NUP42: variants seen among roughly 807,000 people sequenced by gnomAD.
NUP42 encodes nucleoporin NUP42.
A neutral mutation model predicts 35.9 loss-of-function variants in NUP42; 47 were observed. The ratio of observed to expected loss-of-function variants is 1.31; its 90% CI spans 1.04 to 1.67. The LOEUF (loss-of-function observed/expected upper bound fraction) is 1.67, where lower values mean the gene tolerates loss of function less well. Ranked by LOEUF, NUP42 falls within the 40% of genes most tolerant of loss-of-function variation. NUP42 has a pLI of 0.00. For missense variants in NUP42, 514 were observed against 492.2 expected (o/e 1.04, Z -0.42); for synonymous variants, 173 against 173.3 (o/e 1.00, Z 0.01).
At chr7:23,182,269 G>C in intron 1 of NUP42, 63 bp downstream of exon 1, 2 of 1,539,098 alleles carry the variant, frequency 1.3e-6, no homozygotes, top group Admixed American at 2.0e-5. Flanking sequence ...CGGGGACCGG[G>C]CGTCCCGCGT....
chr7:23,196,691 C>T lies in NUP42; in HGVS notation c.534C>T (p.Val178=). The T allele has an allele frequency of 6.2e-7, 1 of 1,609,530 alleles. No individual in the cohort carries two copies. The highest frequency in any genetic ancestry group is 8.5e-7 in the Non-Finnish European group (1 of 1,176,330). The part of the protein sequence containing the change: ...SNNLQSYLNS[V]QRLINQWRNR... ...TCTTCCGTTTTCAGCTAAATTCTGT[C>T]CAACGTTTAATAAATCAATGGAGGA... is the stretch of plus-strand genomic sequence containing the variant. Residue 178 remains valine (V), a synonymous_variant, in exon 5 of 7, where the codon GTC becomes GTT. Coordinates refer to ENST00000258742, the MANE Select transcript of NUP42 (RefSeq NM_007342.3).
chr7:23,184,043 G>A (rs1461062515), intron 1 of NUP42, among the ~76,000 whole-genome samples: 1 of 151,976 alleles, frequency 6.6e-6, no homozygotes, highest in Non-Finnish European at 1.5e-5. Context: ...CAACTAGGAA[G>A]TGATGAGTAA....
At chr7:23,197,105 A>G (rs937028141) in intron 5 of NUP42, 10 of 670,660 alleles carry the variant, frequency 1.5e-5, no homozygotes, top group Admixed American at 2.6e-5. Context: ...AGTTATATGA[A>G]TGCACATTTA....
In NUP42 at chr7:23,187,121, A is replaced by G. The variant is rs777071980; in HGVS notation, c.420A>G (p.Pro140=). 2.5e-6 allele frequency: 4 copies of G among 1,608,748 alleles called. No individual in the cohort carries two copies. The highest frequency in any genetic ancestry group is 3.4e-6 in the Non-Finnish European group (4 of 1,177,156). The part of the protein sequence containing the change: ...SGQWMFSVYS[P]VKKKPNISGF... ...AGTGGATGTTTTCTGTTTATTCACC[A>G]GTGAAAAAGAAACCTAATATTTCAG... The change falls in exon 3 of 7, where the codon CCA becomes CCG. Residue 140 remains proline (P), a synonymous_variant. Transcript: ENST00000258742.
In NUP42 at chr7:23,200,486, G is replaced by T. The variant is rs1786182875; in HGVS notation, c.1013G>T (p.Gly338Val). ...GCTCCAGTGGCCCCAGCCTTTGGAGGTGGCAGTTCTGTGGCTGGTTTTGGT... is the reference window on the plus strand; with the variant it reads ...GCTCCAGTGGCCCCAGCCTTTGGAGTTGGCAGTTCTGTGGCTGGTTTTGGT... ...VRAPVAPAFG[G>V]GSSVAGFGSP... Residue 338 changes from glycine to valine, a missense_variant, in exon 7 of 7, where the codon GGT (glycine) becomes GTT (valine). Coordinates refer to ENST00000258742, the MANE Select transcript of NUP42 (RefSeq NM_007342.3). 1 of 1,614,012 alleles carries T rather than the reference G, an allele frequency of 6.2e-7. No individual in the cohort carries two copies. The highest frequency in any genetic ancestry group is 1.3e-5 in the African/African-American group (1 of 74,938).
chr7:23,192,801 T>C (rs1785847610), intron 3 of NUP42, among the ~76,000 whole-genome samples: 1 of 151,960 alleles, frequency 6.6e-6, no homozygotes, highest in Non-Finnish European at 1.5e-5. Context: ...ACTGCAAGGG[T>C]CCACTTGTAC....
At chr7:23,192,884 C>T (rs1337226471) in intron 3 of NUP42, among the ~76,000 whole-genome samples, 1 of 152,210 alleles carries the variant, frequency 6.6e-6, no homozygotes, top group Non-Finnish European at 1.5e-5. Flanking sequence ...TTCTTGGTCT[C>T]ACTGACTTCA....
intron 6 of NUP42, 135 bp downstream of exon 6, chr7:23,199,677 AT>A (rs1452356012): frequency 2.7e-6 from 2 of 734,758 alleles, no homozygotes; most frequent in African/African-American, 3.5e-5. Flanking sequence ...GCCTCAAAGC[AT>A]TTGACTCATT....
chr7:23,189,322 A>G (rs972875429), intron 3 of NUP42, among the ~76,000 whole-genome samples: 125 of 152,390 alleles, frequency 8.2e-4, no homozygotes, highest in African/African-American at 2.8e-3. Context: ...GGCAACATTC[A>G]CAAATGTGAG....
intron 5 of NUP42, chr7:23,197,223 C>T (rs1637214): frequency 0.047 from 60,389 of 1,294,264 alleles, 2,032 homozygotes; most frequent in African/African-American, 0.12. Context: ...TCTATGGTCC[C>T]GACTGTGGCA....
rs369705748 is a variant in NUP42 at position 23,183,278 on chromosome 7, CTCAG to C, written c.121+1077_121+1080del. On this transcript the variant is annotated intron_variant, in intron 1 of 6. Coordinates refer to ENST00000258742, the MANE Select transcript of NUP42 (RefSeq NM_007342.3). Reference sequence around the variant, plus strand: ...TTATTTTGAGACGGAGTCTTGCTCTCTCAGTCAGGCGGCTCACTGCGACCTCCGC... The same window carrying C: ...TTATTTTGAGACGGAGTCTTGCTCTCTCAGGCGGCTCACTGCGACCTCCGC... Among the ~76,000 whole-genome samples, 902 of 152,160 alleles carry C rather than the reference CTCAG, an allele frequency of 5.9e-3. 6 individuals are homozygous for C. The highest frequency in any genetic ancestry group is 0.017 in the Middle Eastern group (5 of 294).
chr7:23,191,876 G>A (rs1785804721), intron 3 of NUP42, among the ~76,000 whole-genome samples: 1 of 152,158 alleles, frequency 6.6e-6, no homozygotes, highest in African/African-American at 2.4e-5. Context: ...GTTGAGATGG[G>A]AGGATCACTG....
chr7:23,188,574 C>T, intron 3 of NUP42: 4 of 973,178 alleles, frequency 4.1e-6, no homozygotes, highest in Non-Finnish European at 4.9e-6. Context: ...TATGGGACAT[C>T]CGGTTAAATT....
Position 23,200,804 on chromosome 7 carries a change from C to A in NUP42, c.*59C>A. On this transcript the variant is annotated 3_prime_UTR_variant, in exon 7 of 7. Transcript: ENST00000258742. ...TTAAAATTGCTTTGAGTGATTCATA[C>A]AGAGATGTATATATGCATACATGTA... 9.0e-7 allele frequency: 1 copy of A among 1,114,352 alleles called. No individual in the cohort carries two copies. Among genetic ancestry groups the A allele is most frequent in the Non-Finnish European group, 1.3e-6 (1 of 784,714 alleles). The allele number at this position is 1,114,352 out of a possible 1,614,324, so 69.0% of individuals were successfully genotyped here.
At chr7:23,197,054 T>C in intron 5 of NUP42, 1 of 460,538 alleles carries the variant, frequency 2.2e-6, no homozygotes, top group Non-Finnish European at 3.8e-6. Flanking sequence ...TAAGTTTAAG[T>C]ATTTAAGGTT....
chr7:23,191,717 G>A (rs1220292621), intron 3 of NUP42, among the ~76,000 whole-genome samples: 1 of 152,188 alleles, frequency 6.6e-6, no homozygotes, highest in African/African-American at 2.4e-5. Flanking sequence ...CAGATGTGGT[G>A]GCTCATGCTT....
chr7:23,183,068 G>A (rs538345138), intron 1 of NUP42, among the ~76,000 whole-genome samples: 1 of 152,200 alleles, frequency 6.6e-6, no homozygotes, highest in Admixed American at 6.5e-5. Flanking sequence ...GGAGATGCGG[G>A]GGCCACGTTG....
intron 3 of NUP42, chr7:23,188,164 G>A (rs985423049): frequency 4.2e-5 from 55 of 1,306,068 alleles, no homozygotes; most frequent in East Asian, 3.7e-4. Flanking sequence ...AATCAATATC[G>A]CAGAACCTTG....
intron 5 of NUP42, chr7:23,198,205 CT>C (rs1172738995): frequency 1.3e-3 from 95 of 73,674 alleles, no homozygotes; most frequent in East Asian, 5.7e-3. Context: ...CAAAAGCATT[CT>C]TTTTTTTTTT....
Sources: gnomAD v4.1 joint callset for allele counts (sites outside exome capture counted in the v4.1 genomes callset) on GRCh38, gnomAD v4.1.1 for gene constraint, MANE v1.5 for transcripts, NCBI Gene and HGNC (gene_info 2026-07-23, HGNC 2026-07-21) for gene names.